The following CWC15 variants were observed in gnomAD, a reference collection of about 807,000 sequenced individuals.
CWC15 encodes the protein spliceosome-associated protein CWC15 homolog.
CWC15 carries 12 observed loss-of-function variants against 28.4 expected under a neutral mutation model. The observed-to-expected ratio is 0.42, with a 90% CI of 0.27 to 0.69. CWC15 has a LOEUF of 0.69. Among genes scored for constraint, CWC15 ranks in the 30% least tolerant of loss-of-function variants. The pLI is 0.23. For synonymous variants in CWC15, 92 were observed against 88.4 expected (o/e 1.04, Z -0.23); for missense variants, 192 against 271.5 (o/e 0.71, Z 2.06).
At chr11:94,971,316 A>C in intron 3 of CWC15, 59 bp downstream of exon 3, 1 of 1,379,300 alleles carries the variant, frequency 7.3e-7, no homozygotes, top group Non-Finnish European at 1.0e-6. Context: ...ATTGCTACAT[A>C]AAGAAAAACT....
chr11:94,971,046 T>C lies in CWC15; in HGVS notation c.264A>G (p.Ser88=). ...GGTCTAACCGTGGCTTTTTTGACACTGAAGAGGAGGTTGTATGTTCTGGGG... is the reference window on the plus strand; with the variant it reads ...GGTCTAACCGTGGCTTTTTTGACACCGAAGAGGAGGTTGTATGTTCTGGGG... ...RPTREHTTSS[S]VSKKPRLDQI... Residue 88 remains serine, a synonymous_variant, in exon 4 of 7, where the codon TCA becomes TCG. Transcript: ENST00000279839. The C allele has an allele frequency of 6.2e-7, 1 of 1,613,680 alleles. No homozygotes were observed. The highest frequency in any genetic ancestry group is 8.5e-7 in the Non-Finnish European group (1 of 1,179,590).
At position 94,966,408 on chromosome 11, in the gene CWC15, T is replaced by C; in HGVS notation, c.447A>G (p.Gln149=). The change falls in exon 6 of 7, where the codon CAA becomes CAG. Residue 149 remains glutamine (Q), a synonymous_variant. Coordinates refer to ENST00000279839, the MANE Select transcript of CWC15 (RefSeq NM_016403.4). ...ERAEEQARKE[Q]EQKAEEERIR... is the part of the protein sequence containing the mutation. Reference sequence around the variant, plus strand: ...TCCTCTCTTCTTCAGCTTTTTGTTCTTGTTCCTGTCAATGATAAAGGAAGA... The same window carrying C: ...TCCTCTCTTCTTCAGCTTTTTGTTCCTGTTCCTGTCAATGATAAAGGAAGA... 1 of 1,548,348 alleles carries C rather than the reference T, an allele frequency of 6.5e-7. No homozygotes were observed. The highest frequency in any genetic ancestry group is 8.7e-7 in the Non-Finnish European group (1 of 1,144,020).
intron 6 of CWC15, 90 bp from the exon 7 acceptor site, chr11:94,963,604 C>T (rs1206131385): frequency 3.8e-6 from 4 of 1,055,276 alleles, no homozygotes; most frequent in South Asian, 2.2e-5. Context: ...GTCAGTTACA[C>T]AGAAAGATGC....
chr11:94,971,234 T>C (rs1555096164), intron 3 of CWC15, 141 bp downstream of exon 3: 1 of 930,826 alleles, frequency 1.1e-6, no homozygotes, highest in Non-Finnish European at 1.7e-6. Context: ...GTTGTTATTA[T>C]CTCTAATGAC....
At chr11:94,964,161 T>C (rs1229254366) in intron 6 of CWC15, among the ~76,000 whole-genome samples, 1 of 152,048 alleles carries the variant, frequency 6.6e-6, no homozygotes, top group East Asian at 1.9e-4. Context: ...ATAAAATACA[T>C]GTGTTATAGA....
chr11:94,963,528 A>C lies in CWC15; in HGVS notation c.561-14T>G. The C allele has an allele frequency of 1.3e-6, 2 of 1,552,390 alleles. No individual in the cohort carries two copies. Among genetic ancestry groups the C allele is most frequent in the Non-Finnish European group, 1.7e-6 (2 of 1,148,824 alleles). On this transcript the variant is annotated splice_polypyrimidine_tract_variant and intron_variant, in intron 6 of 6. Transcript: ENST00000279839. The stretch of plus-strand genomic sequence containing the variant: ...TCATCATCCCACCTGAGGAAAAAAA[A>C]GCAAACAGAACGTCTGAAAATGTTT...
chr11:94,970,137 AC>A (rs1478301990), intron 4 of CWC15, 41 bp from the exon 5 acceptor site: 6 of 1,029,848 alleles, frequency 5.8e-6, no homozygotes, highest in Non-Finnish European at 8.7e-6. Context: ...GAGGGAAAAT[AC>A]ACACTACCAA....
intron 2 of CWC15, 58 bp from the exon 3 acceptor site, chr11:94,971,545 C>CACAG (rs1480381146): frequency 1.6e-5 from 15 of 962,990 alleles, no homozygotes; most frequent in Non-Finnish European, 1.9e-5. Context: ...CACACACACA[C>CACAG]AGAGACTGTA....
At chr11:94,972,462 A>G (rs1857736308) in intron 1 of CWC15, among the ~76,000 whole-genome samples, 1 of 152,162 alleles carries the variant, frequency 6.6e-6, no homozygotes, top group Admixed American at 6.5e-5. Context: ...TATGGGCTTG[A>G]GCAAGTCACC....
At chr11:94,969,959 A>G in intron 5 of CWC15, 30 bp downstream of exon 5, 1 of 1,414,226 alleles carries the variant, frequency 7.1e-7, no homozygotes, top group Non-Finnish European at 9.4e-7. Context: ...GTGAGAAGAT[A>G]GATGTAAATA....
chr11:94,973,047 T>TGGGG lies in CWC15; in HGVS notation c.-9+447_-9+450dup, dbSNP rs149342141. 2.6e-3 allele frequency among the ~76,000 whole-genome samples: 268 copies of TGGGG among 103,108 alleles called. 1 individual carries two copies. The highest frequency in any genetic ancestry group is 9.3e-3 in the African/African-American group (237 of 25,592). 67.6% of individuals were successfully genotyped at this position (103,108 alleles called of 152,430 possible). ...GGGTGGGCGAATTGGGAGGATTTTT[T>TGGGG]GGGGGGGGGGCGATGCTAATTCTCT... On this transcript the variant is annotated intron_variant, in intron 1 of 6. Coordinates refer to ENST00000279839, the MANE Select transcript of CWC15 (RefSeq NM_016403.4).
At chr11:94,973,282 G>C (rs1487566138) in intron 1 of CWC15, 2 of 95,084 alleles carry the variant, frequency 2.1e-5, no homozygotes, top group Non-Finnish European at 5.3e-5. Context: ...CCTGGGGTTC[G>C]CTTTACGCAG....
chr11:94,965,032 C>G (rs192201173), intron 6 of CWC15, among the ~76,000 whole-genome samples: 12 of 152,336 alleles, frequency 7.9e-5, no homozygotes, highest in Non-Finnish European at 1.6e-4. Context: ...GTCAGCAGTA[C>G]TGCATCACTC....
At chr11:94,966,503 C>T (rs1857646068) in intron 5 of CWC15, 90 bp from the exon 6 acceptor site, 2 of 698,448 alleles carry the variant, frequency 2.9e-6, no homozygotes, top group Non-Finnish European at 2.2e-6. Flanking sequence ...AAAAACAAAA[C>T]TGATCATTAG....
rs1473898725 is a variant in CWC15, at chr11:94,962,803, A to G, written c.*582T>C. Reference sequence around the variant, plus strand: ...AGAGCTCTCCTCTTCGGCCATGAGAAAAAAAAACAAGTACCTGCAGAAGTG... The same window carrying G: ...AGAGCTCTCCTCTTCGGCCATGAGAGAAAAAAACAAGTACCTGCAGAAGTG... On this transcript the variant is annotated 3_prime_UTR_variant, in exon 7 of 7. Transcript: ENST00000279839. 6.6e-6 allele frequency: 1 copy of G among 152,186 alleles called. No individual in the cohort carries two copies. Among genetic ancestry groups the G allele is most frequent in the Non-Finnish European group, 1.5e-5 (1 of 68,054 alleles). The allele number at this position is 152,186 out of a possible 1,614,324, so 9.4% of individuals were successfully genotyped here.
Position 94,966,334 on chromosome 11 carries a change from C to T in CWC15, c.521G>A (p.Gly174Asp), listed in dbSNP as rs1555095270. 3 of 1,558,908 alleles carry T rather than the reference C, an allele frequency of 1.9e-6. No homozygotes were observed. The highest frequency in any genetic ancestry group is 2.6e-6 in the Non-Finnish European group (3 of 1,150,174). ...GAAGTTGGCCTGAGGCTGGGATGGG[C>T]CAGTGAGATTAAGGAGAGGGTTTCC... ...LSGNPLLNLT[G>D]PSQPQANFKV... Residue 174 changes from glycine to aspartate, a missense_variant, in exon 6 of 7, where the codon GGC becomes GAC. Around this residue, in one of 2 missense-constraint regions of CWC15, gnomAD observed 188 missense variants for 250.3 expected, o/e 0.75. Transcript: ENST00000279839.
intron 5 of CWC15, among the ~76,000 whole-genome samples, chr11:94,968,794 G>GTCTA (rs1329211749): frequency 2.0e-5 from 3 of 152,152 alleles, no homozygotes; most frequent in Non-Finnish European, 4.4e-5. Context: ...TTCACATGAA[G>GTCTA]TCTACTTCCC....
At chr11:94,965,779 G>A (rs1857631595) in intron 6 of CWC15, among the ~76,000 whole-genome samples, 1 of 152,172 alleles carries the variant, frequency 6.6e-6, no homozygotes, top group African/African-American at 2.4e-5. Flanking sequence ...TGTGCTGTGT[G>A]ACCACTCATG....
chr11:94,966,298 C>T lies in CWC15; in HGVS notation c.557G>A (p.Arg186Lys). The T allele has an allele frequency of 6.6e-7, 1 of 1,510,886 alleles. No homozygotes were observed. The highest frequency in any genetic ancestry group is 9.0e-7 in the Non-Finnish European group (1 of 1,110,296). The allele number at this position is 1,510,886 out of a possible 1,614,324, so 93.6% of individuals were successfully genotyped here. The change falls in exon 6 of 7, where the codon AGA (arginine) becomes AAA (lysine). Residue 186 changes from arginine (R) to lysine (K), a missense_variant. Transcript: ENST00000279839. ...SQPQANFKVK[R>K]RWDDDVVFKN... is the part of the protein sequence containing the mutation. ...TTACTCCGTTACTGTATAGTACCTTCTTTTAACTTTGAAGTTGGCCTGAGG... is the reference window on the plus strand; with the variant it reads ...TTACTCCGTTACTGTATAGTACCTTTTTTTAACTTTGAAGTTGGCCTGAGG...
Sources: gnomAD v4.1 joint callset for allele counts (sites outside exome capture counted in the v4.1 genomes callset) on GRCh38, gnomAD v4.1.1 for gene constraint, gnomAD v4.1.1 regional missense constraint, MANE v1.5 for transcripts, NCBI Gene and HGNC (gene_info 2026-07-23, HGNC 2026-07-21) for gene names.